COL6A3: variants seen among roughly 807,000 people sequenced by gnomAD.
COL6A3 encodes the protein collagen alpha-3(VI) chain.
In COL6A3, 137 loss-of-function variants were observed where a neutral mutation model predicts 274.1. The observed-to-expected ratio is 0.50, with a 90% CI of 0.44 to 0.58. COL6A3 has a LOEUF of 0.58. Ranked by LOEUF, COL6A3 falls within the 20% of genes least tolerant of loss-of-function variation. COL6A3 has a pLI of 0.00. For synonymous variants in COL6A3, 1,650 were observed against 1,650.6 expected (o/e 1.00, Z 0.01); for missense variants, 3,950 against 4,124.9 (o/e 0.96, Z 1.16).
rs138878144 is a variant in COL6A3, at chr2:237,374,407, C to A, written c.3679+5G>T. 2.3e-5 allele frequency: 37 copies of A among 1,611,610 alleles called. No individual in the cohort carries two copies. The African/African-American group carries it at 4.4e-4, about 19-fold the overall frequency. On this transcript the variant is annotated splice_donor_5th_base_variant and intron_variant, in intron 8 of 43. Transcript: ENST00000295550. The surrounding 1 kb of genome is among the most constrained non-coding windows in gnomAD (Gnocchi z 4.8). ...GAGTGAGGATGCAAAGAGTTCCCTG[C>A]GTACCTGGGCTCGGTAGAGGCTGCA...
In COL6A3 at chr2:237,325,646, C is replaced by A. The variant is rs759514583; in HGVS notation, c.9407G>T (p.Ser3136Ile). The change falls in exon 43 of 44, where the codon AGC becomes ATC. Residue 3136 changes from serine (S) to isoleucine (I), a missense_variant. Ser to Ile is a moderately radical substitution (Grantham distance 142). This residue lies in a region of COL6A3 where 1,284 missense variants were observed against 1,349.7 expected (regional missense o/e 0.95). Transcript: ENST00000295550. Reference protein sequence around the residue: ...LKWYYDPNTKSCARFWYGGCG... With the variant: ...LKWYYDPNTKICARFWYGGCG... The stretch of plus-strand genomic sequence containing the variant: ...ACCTCCATACCAGAATCTTGCACAG[C>A]TTTTGGTGTTTGGATCATAGTACCA... 1 of 1,614,068 alleles carries A rather than the reference C, an allele frequency of 6.2e-7. No individual in the cohort carries two copies. Among genetic ancestry groups the A allele is most frequent in the South Asian group, 1.1e-5 (1 of 91,078 alleles).
Position 237,396,809 on chromosome 2 carries a change from T to C in COL6A3, c.9A>G (p.Lys3=). 1 of 1,614,156 alleles carries C rather than the reference T, an allele frequency of 6.2e-7. No individual in the cohort carries two copies. The highest frequency in any genetic ancestry group is 8.5e-7 in the Non-Finnish European group (1 of 1,180,006). Residue 3 remains lysine, a synonymous_variant, in exon 2 of 44, where the codon AAA becomes AAG. Coordinates refer to ENST00000295550, the MANE Select transcript of COL6A3 (RefSeq NM_004369.4). MR[K]HRHLPLVAVF... is the part of the protein sequence containing the mutation. Reference sequence around the variant, plus strand: ...CGGCCACTAAGGGCAAGTGCCGATGTTTCCTCATTTTGAATTTGTCTAAGC... The same window carrying C: ...CGGCCACTAAGGGCAAGTGCCGATGCTTCCTCATTTTGAATTTGTCTAAGC...
chr2:237,339,451 T>C (rs577510814), intron 38 of COL6A3, among the ~76,000 whole-genome samples: 1 of 152,370 alleles, frequency 6.6e-6, no homozygotes, highest in East Asian at 1.9e-4. Context: ...CATCAGATTA[T>C]AATGCAACTG....
chr2:237,404,564 A>T (rs2078675828), intron 1 of COL6A3, among the ~76,000 whole-genome samples: 1 of 152,196 alleles, frequency 6.6e-6, no homozygotes, highest in South Asian at 2.1e-4. Flanking sequence ...TGATAAGATG[A>T]GAGCTGTCTC....
Position 237,364,371 on chromosome 2 carries a change from A to C in COL6A3, c.5896T>G (p.Ser1966Ala), listed in dbSNP as rs200110562. 1.4e-5 allele frequency: 23 copies of C among 1,614,068 alleles called. No homozygotes were observed. Among genetic ancestry groups the C allele is most frequent in the Non-Finnish European group, 1.9e-5 (23 of 1,179,956 alleles). The change falls in exon 13 of 44, where the codon TCT becomes GCT. Residue 1966 changes from serine (S) to alanine (A), a missense_variant. Physicochemically the swap from Ser to Ala is moderately conservative, Grantham distance 99. This residue lies in a region of COL6A3 where 632 missense variants were observed against 623.4 expected (regional missense o/e 1.01). Coordinates refer to ENST00000295550, the MANE Select transcript of COL6A3 (RefSeq NM_004369.4). This position sits in a 1 kb window ranked among gnomAD's most constrained non-coding sequence, Gnocchi z 4.6. ...DGDLADLHRASENLRQEGVRA... is the reference protein window; with the variant it reads ...DGDLADLHRAAENLRQEGVRA... ...CTACCTTCTTGGCGGAGGTTCTCAG[A>C]TGCTCTGTGTAAATCAGCCAGATCT...
At chr2:237,404,030 C>T (rs2078662046) in intron 1 of COL6A3, among the ~76,000 whole-genome samples, 4 of 151,552 alleles carry the variant, frequency 2.6e-5, no homozygotes, top group Non-Finnish European at 2.9e-5. Context: ...TAATGATATA[C>T]ACTTCAGAAT....
intron 40 of COL6A3, among the ~76,000 whole-genome samples, chr2:237,335,129 T>G (rs532906995): frequency 1.5e-4 from 23 of 152,218 alleles, no homozygotes; most frequent in Non-Finnish European, 2.6e-4. Context: ...AACTTTTTTT[T>G]CTATTAAAAA....
rs762752112 is a variant in COL6A3, at chr2:237,378,872, T to C, written c.2261A>G (p.Gln754Arg). The change falls in exon 6 of 44, where the codon CAG (glutamine) becomes CGG (arginine). Residue 754 changes from glutamine (Q) to arginine (R), a missense_variant. Coordinates refer to ENST00000295550, the MANE Select transcript of COL6A3 (RefSeq NM_004369.4). ...AGCTTGCAAATAGGAGTCCTCAGAC[T>C]GCCCAGCTGTGAGCAGAAGCAGGAG... ...PQLLLLLTAG[Q>R]SEDSYLQAAN... 14 of 1,614,126 alleles carry C rather than the reference T, an allele frequency of 8.7e-6. No individual in the cohort carries two copies. Among genetic ancestry groups the C allele is most frequent in the Non-Finnish European group, 3.4e-6 (4 of 1,180,032 alleles).
intron 1 of COL6A3, among the ~76,000 whole-genome samples, chr2:237,412,202 T>G (rs2078873051): frequency 6.6e-6 from 1 of 152,104 alleles, no homozygotes; most frequent in Non-Finnish European, 1.5e-5. Context: ...CAAGCCCACT[T>G]CAGAAAGAAG....
chr2:237,383,361 C>T (rs1488015984), intron 4 of COL6A3, among the ~76,000 whole-genome samples: 1 of 152,226 alleles, frequency 6.6e-6, no homozygotes, highest in Non-Finnish European at 1.5e-5. Context: ...CTCAATATTT[C>T]ATGGTCATTG....
chr2:237,332,361 A>G (rs1415917090), intron 42 of COL6A3, among the ~76,000 whole-genome samples: 1 of 151,894 alleles, frequency 6.6e-6, no homozygotes, highest in African/African-American at 2.4e-5. Context: ...CACTGTATTC[A>G]GGGAGAAGTT....
rs114653728 is a variant in COL6A3, at chr2:237,371,249, C to A, written c.4285+483G>T. Among the ~76,000 whole-genome samples, 2 of 152,270 alleles carry A rather than the reference C, an allele frequency of 1.3e-5. No individual in the cohort carries two copies. Among genetic ancestry groups the A allele is most frequent in the Non-Finnish European group, 2.9e-5 (2 of 68,018 alleles). ...CTCCCTGGATGCCATGAGCAATAGA[C>A]CCAACTTGTTCAGTCGCAGGTGTGT... On this transcript the variant is annotated intron_variant, in intron 9 of 43. Coordinates refer to ENST00000295550, the MANE Select transcript of COL6A3 (RefSeq NM_004369.4). The surrounding 1 kb of genome is among the most constrained non-coding windows in gnomAD (Gnocchi z 4.3).
Position 237,407,401 on chromosome 2 carries a change from A to T in COL6A3, c.-31+6552T>A, listed in dbSNP as rs2078748153. 6.6e-6 allele frequency among the ~76,000 whole-genome samples: 1 copy of T among 152,174 alleles called. No individual in the cohort carries two copies. Among genetic ancestry groups the T allele is most frequent in the South Asian group, 2.1e-4 (1 of 4,826 alleles). ...TTAGATATGGAGTAGCGGATTCGAG[A>T]TCTTCAACTCTTCCTGGTAAAATCT... is the stretch of plus-strand genomic sequence containing the variant. On this transcript the variant is annotated intron_variant, in intron 1 of 43. Transcript: ENST00000295550. The surrounding 1 kb of genome is among the most constrained non-coding windows in gnomAD (Gnocchi z 4.3).
At chr2:237,365,055 T>C (rs2077521270) in intron 12 of COL6A3, among the ~76,000 whole-genome samples, 1 of 150,122 alleles carries the variant, frequency 6.7e-6, no homozygotes. Context: ...AAAGAGGTAA[T>C]TAAGGTTAAT....
Position 237,368,964 on chromosome 2 carries a change from A to G in COL6A3, c.4499T>C (p.Leu1500Pro), listed in dbSNP as rs775941444. 1.2e-6 allele frequency: 2 copies of G among 1,614,256 alleles called. No individual in the cohort carries two copies. Among genetic ancestry groups the G allele is most frequent in the South Asian group, 2.2e-5 (2 of 91,086 alleles). ...GAGCCTCAGGCGCCGTATGGCGTCC[A>G]GCACCGGGGCCTGGGATCTGTAGGT... ...LKTYRSQAPV[L>P]DAIRRLRLRG... The change falls in exon 10 of 44, where the codon CTG (leucine) becomes CCG (proline). Residue 1500 changes from leucine to proline, a missense_variant. Coordinates refer to ENST00000295550, the MANE Select transcript of COL6A3 (RefSeq NM_004369.4). This position sits in a 1 kb window ranked among gnomAD's most constrained non-coding sequence, Gnocchi z 4.4.
At chr2:237,333,571 A>G (rs981861424) in intron 41 of COL6A3, 23 bp from the exon 42 acceptor site, 1 of 1,595,340 alleles carries the variant, frequency 6.3e-7, no homozygotes. Context: ...AATATATGCA[A>G]CTCGTAGGTA....
chr2:237,380,115 A>G (rs1365240873), intron 5 of COL6A3, among the ~76,000 whole-genome samples: 2 of 138,540 alleles, frequency 1.4e-5, no homozygotes, highest in Admixed American at 7.2e-5. Context: ...GTTTTAAGAA[A>G]AATTTTAAAA....
In COL6A3 at chr2:237,366,818, G is replaced by A. The variant is rs140513454; in HGVS notation, c.5369C>T (p.Ala1790Val). ...NIDSEEVGKIASNSATAFRVG... is the reference protein window; with the variant it reads ...NIDSEEVGKIVSNSATAFRVG... The stretch of plus-strand genomic sequence containing the variant: ...GCGGAACGCTGTGGCGCTGTTGGAC[G>A]CTATCTTTCCAACCTCCTCCGAGTC... Residue 1790 changes from alanine to valine, a missense_variant, in exon 11 of 44, where the codon GCG becomes GTG. Around this residue, in one of 5 missense-constraint regions of COL6A3, gnomAD observed 632 missense variants for 623.4 expected, o/e 1.01. Coordinates refer to ENST00000295550, the MANE Select transcript of COL6A3 (RefSeq NM_004369.4). 23 of 1,614,236 alleles carry A rather than the reference G, an allele frequency of 1.4e-5. No homozygotes were observed. The highest frequency in any genetic ancestry group is 6.7e-5 in the East Asian group (3 of 44,888).
chr2:237,377,237 T>G lies in COL6A3; in HGVS notation c.2605A>C (p.Lys869Gln). 2 of 1,612,606 alleles carry G rather than the reference T, an allele frequency of 1.2e-6. No homozygotes were observed. Among genetic ancestry groups the G allele is most frequent in the South Asian group, 2.2e-5 (2 of 91,074 alleles). Residue 869 changes from lysine (K) to glutamine (Q), a missense_variant, in exon 7 of 44, where the codon AAG (lysine) becomes CAG (glutamine). By Grantham distance (53) the Lys-to-Gln change is moderately conservative. Transcript: ENST00000295550. Reference protein sequence around the residue: ...LYKIIDELNVKPEGTRIAVAQ... With the variant: ...LYKIIDELNVQPEGTRIAVAQ... Reference sequence around the variant, plus strand: ...ACCGCAATTCGGGTCCCCTCTGGCTTCACATTGAGCTCATCGATAATCTTG... The same window carrying G: ...ACCGCAATTCGGGTCCCCTCTGGCTGCACATTGAGCTCATCGATAATCTTG...
Sources: gnomAD v4.1 joint callset for allele counts (sites outside exome capture counted in the v4.1 genomes callset) on GRCh38, gnomAD v4.1.1 for gene constraint, gnomAD v4.1.1 regional missense constraint, Gnocchi (gnomAD v3.1) non-coding constraint, MANE v1.5 for transcripts, NCBI Gene and HGNC (gene_info 2026-07-23, HGNC 2026-07-21) for gene names.